SPATA19: variants seen among roughly 807,000 people sequenced by gnomAD.
The protein encoded by SPATA19 is spermatogenesis-associated protein 19, mitochondrial.
Under a neutral mutation model 25.0 loss-of-function variants are expected in SPATA19, and 19 were observed. The observed-to-expected ratio is 0.76, with a 90% CI of 0.53 to 1.11. SPATA19 has a LOEUF of 1.11. Ranked by LOEUF, SPATA19 falls within the 50% of genes most tolerant of loss-of-function variation. The pLI is 0.00. For synonymous variants in SPATA19, 64 were observed against 69.3 expected (o/e 0.92, Z 0.38); for missense variants, 222 against 211.4 (o/e 1.05, Z -0.31).
intron 4 of SPATA19, among the ~76,000 whole-genome samples, chr11:133,843,195 TA>T (rs1460166280): frequency 6.6e-6 from 1 of 152,280 alleles, no homozygotes; most frequent in African/African-American, 2.4e-5. Flanking sequence ...CTGAAAAGCT[TA>T]AAACTAGTTT....
chr11:133,842,368 C>G, intron 5 of SPATA19, 117 bp downstream of exon 5: 1 of 848,572 alleles, frequency 1.2e-6, no homozygotes, highest in Admixed American at 1.7e-5. Flanking sequence ...TGTCTCTGCT[C>G]TTGATGTTGG....
rs1938395624 is a variant in SPATA19 at position 133,845,241 on chromosome 11, C to A, written c.79-51G>T. ...CCTCAGAAAACCTAGAAATTCAGCT[C>A]TTCCCACCCAGCCCCCGCAACTGTT... On this transcript the variant is annotated intron_variant, in intron 1 of 6. Transcript: ENST00000299140. 1.9e-6 allele frequency: 3 copies of A among 1,580,288 alleles called. No individual in the cohort carries two copies. The East Asian group carries it at 6.7e-5, about 35-fold the overall frequency.
chr11:133,844,149 G>C (rs1044225197), intron 4 of SPATA19, 97 bp downstream of exon 4: 1 of 993,562 alleles, frequency 1.0e-6, no homozygotes, highest in Non-Finnish European at 1.6e-6. Context: ...AGCCAAAGAC[G>C]ACATCTCTAG....
downstream of SPATA19, among the ~76,000 whole-genome samples, chr11:133,836,170 T>C (rs1408701585): frequency 1.3e-5 from 2 of 152,168 alleles, no homozygotes; most frequent in African/African-American, 4.8e-5. Context: ...AATAGGTTTT[T>C]GGTGTGTCCA....
chr11:133,837,960 T>G (rs1591682658), downstream of SPATA19, among the ~76,000 whole-genome samples: 1 of 152,250 alleles, frequency 6.6e-6, no homozygotes, highest in East Asian at 1.9e-4. Flanking sequence ...AGAGGAAACC[T>G]TAACCTCTGA....
intron 1 of SPATA19, 82 bp from the exon 2 acceptor site, chr11:133,845,272 A>G (rs1591686887): frequency 6.6e-7 from 1 of 1,524,698 alleles, no homozygotes; most frequent in East Asian, 2.3e-5. Context: ...CTGTTACTCA[A>G]ATTTATTTGT....
chr11:133,836,626 G>A (rs1938218083), downstream of SPATA19, among the ~76,000 whole-genome samples: 1 of 152,208 alleles, frequency 6.6e-6, no homozygotes, highest in African/African-American at 2.4e-5. Context: ...TCTGTAAAAT[G>A]GGGATGACGA....
downstream of SPATA19, among the ~76,000 whole-genome samples, chr11:133,837,898 G>A (rs2121170957): frequency 6.6e-6 from 1 of 152,198 alleles, no homozygotes; most frequent in African/African-American, 2.4e-5. Context: ...TATTTAAGAA[G>A]GAGCCTCTAG....
chr11:133,840,162 GAA>G (rs1175257324), downstream of SPATA19, among the ~76,000 whole-genome samples: 1 of 151,822 alleles, frequency 6.6e-6, no homozygotes, highest in Non-Finnish European at 1.5e-5. Context: ...AGTGTTGAAA[GAA>G]AAAAAGATTG....
intron 4 of SPATA19, among the ~76,000 whole-genome samples, chr11:133,842,913 G>C (rs1938340345): frequency 6.6e-6 from 1 of 152,090 alleles, no homozygotes; most frequent in Non-Finnish European, 1.5e-5. Context: ...AGCTCTTGAT[G>C]ACCTGCATCA....
intron 4 of SPATA19, among the ~76,000 whole-genome samples, chr11:133,843,071 C>A (rs1255782332): frequency 6.6e-6 from 1 of 152,022 alleles, no homozygotes; most frequent in African/African-American, 2.4e-5. Context: ...AGGGGGACAC[C>A]AAAACCAGTG....
At chr11:133,838,394 C>A (rs528272394), downstream of SPATA19, among the ~76,000 whole-genome samples, 6 of 152,226 alleles carry the variant, frequency 3.9e-5, no homozygotes, top group African/African-American at 1.4e-4. Flanking sequence ...ATTGGAGTTT[C>A]AAGAAATGTC....
downstream of SPATA19, among the ~76,000 whole-genome samples, chr11:133,838,952 G>A (rs1159165283): frequency 1.4e-4 from 21 of 151,998 alleles, no homozygotes; most frequent in South Asian, 1.2e-3. Context: ...ACTGGCCATC[G>A]GAGAAATGCA....
At chr11:133,844,897 G>C (rs1191380134) in intron 2 of SPATA19, among the ~76,000 whole-genome samples, 2 of 152,150 alleles carry the variant, frequency 1.3e-5, no homozygotes, top group Non-Finnish European at 2.9e-5. Context: ...AAACCCTTAA[G>C]CCAGGATGCT....
chr11:133,841,992 T>A (rs1188935518), intron 6 of SPATA19, 38 bp downstream of exon 6: 3 of 1,586,506 alleles, frequency 1.9e-6, no homozygotes, highest in Non-Finnish European at 2.6e-6. Flanking sequence ...AGGATAACCA[T>A]CTTCTCTGCC....
At chr11:133,837,277 G>C (rs1356873287), downstream of SPATA19, among the ~76,000 whole-genome samples, 2 of 152,200 alleles carry the variant, frequency 1.3e-5, no homozygotes, top group African/African-American at 4.8e-5. Context: ...GTTGGATACA[G>C]AGACTCACAA....
At chr11:133,843,131 A>G (rs1938346081) in intron 4 of SPATA19, among the ~76,000 whole-genome samples, 1 of 152,204 alleles carries the variant, frequency 6.6e-6, no homozygotes, top group Non-Finnish European at 1.5e-5. Flanking sequence ...TCTTTGTAGA[A>G]AATCCAGAGT....
intron 2 of SPATA19, 26 bp downstream of exon 2, chr11:133,845,108 C>T (rs779146520): frequency 1.8e-5 from 29 of 1,605,444 alleles, no homozygotes; most frequent in Admixed American, 3.3e-5. Flanking sequence ...TTTGGATATC[C>T]TGAGTCATAA....
chr11:133,843,645 G>A (rs1159470459), intron 4 of SPATA19, among the ~76,000 whole-genome samples: 1 of 152,208 alleles, frequency 6.6e-6, no homozygotes, highest in African/African-American at 2.4e-5. Flanking sequence ...CTGGGAAGGG[G>A]TGGCTGATGT....
Sources: allele counts gnomAD v4.1 joint callset (sites outside exome capture counted in the v4.1 genomes callset), GRCh38; gene constraint gnomAD v4.1.1; transcripts MANE v1.5; gene names NCBI Gene and HGNC (gene_info 2026-07-23, HGNC 2026-07-21).